KLC1: variants seen among roughly 807,000 people sequenced by gnomAD.
KLC1 encodes the protein kinesin 2 60/70kDa.
Under a neutral mutation model 84.2 loss-of-function variants are expected in KLC1, and 30 were observed. That is an observed-to-expected ratio of 0.36 (90% CI 0.27 to 0.48). The LOEUF (loss-of-function observed/expected upper bound fraction) is 0.48, where lower values mean the gene tolerates loss of function less well. Ranked by LOEUF, KLC1 falls within the 20% of genes least tolerant of loss-of-function variation. KLC1 has a pLI of 0.99. For missense variants in KLC1, 499 were observed against 805.4 expected (o/e 0.62, Z 4.60); for synonymous variants, 289 against 293.3 (o/e 0.99, Z 0.15).
chr14:103,637,196 A>G (rs892392023), intron 1 of KLC1, among the ~76,000 whole-genome samples: 7 of 152,104 alleles, frequency 4.6e-5, no homozygotes, highest in African/African-American at 1.7e-4. Flanking sequence ...TAATAAATCA[A>G]TACTTTTAAT....
chr14:103,662,878 G>T lies in KLC1; in HGVS notation c.748G>T (p.Asp250Tyr). The change falls in exon 5 of 17, where the codon GAC becomes TAC. Residue 250 changes from aspartate (D) to tyrosine (Y), a missense_variant. This residue lies in a region of KLC1 where 153 missense variants were observed against 332.4 expected (regional missense o/e 0.46). Coordinates refer to ENST00000334553, the MANE Select transcript of KLC1 (RefSeq NM_001394837.1). ...LEDLEKTSGH[D>Y]HPDVATMLNI... Reference sequence around the variant, plus strand: ...GGACCTGGAGAAGACTTCAGGACACGACCACCCGGACGTGGCCACCATGCT... The same window carrying T: ...GGACCTGGAGAAGACTTCAGGACACTACCACCCGGACGTGGCCACCATGCT... The T allele has an allele frequency of 6.2e-7, 1 of 1,613,652 alleles. No homozygotes were observed. The highest frequency in any genetic ancestry group is 8.5e-7 in the Non-Finnish European group (1 of 1,179,936).
At chr14:103,675,448 C>A in intron 9 of KLC1, 104 bp from the exon 10 acceptor site, 1 of 899,722 alleles carries the variant, frequency 1.1e-6, no homozygotes. Flanking sequence ...TGAAACTTTT[C>A]GAGTGCCGAC....
intron 9 of KLC1, among the ~76,000 whole-genome samples, chr14:103,674,391 A>G (rs1485728922): frequency 6.6e-6 from 1 of 151,728 alleles, no homozygotes; most frequent in Non-Finnish European, 1.5e-5. Flanking sequence ...GATGACTTAA[A>G]ACGAATATTG....
chr14:103,675,157 T>A (rs1305430703), intron 9 of KLC1, among the ~76,000 whole-genome samples: 8 of 152,100 alleles, frequency 5.3e-5, no homozygotes, highest in Admixed American at 5.2e-4. Flanking sequence ...ACCCCATCTC[T>A]ACTAAAAATA....
intron 1 of KLC1, among the ~76,000 whole-genome samples, chr14:103,637,978 A>G (rs1032571816): frequency 6.6e-6 from 1 of 152,180 alleles, no homozygotes; most frequent in African/African-American, 2.4e-5. Flanking sequence ...GACGTAAGCC[A>G]CTATGCTGGG....
chr14:103,684,830 G>A (rs1054699611), intron 13 of KLC1: 24 of 636,762 alleles, frequency 3.8e-5, no homozygotes, highest in Non-Finnish European at 6.1e-5. Context: ...GTAGTGTAGC[G>A]CTGAGTTTTG....
At chr14:103,640,779 TAC>T (rs2077428904) in intron 1 of KLC1, among the ~76,000 whole-genome samples, 2 of 152,192 alleles carry the variant, frequency 1.3e-5, no homozygotes, top group Admixed American at 1.3e-4. Flanking sequence ...TTAGAATAGT[TAC>T]AGATTTACAG....
chr14:103,681,916 T>G (rs1204374809), intron 13 of KLC1, among the ~76,000 whole-genome samples: 2 of 152,240 alleles, frequency 1.3e-5, no homozygotes, highest in Admixed American at 1.3e-4. Context: ...TATATAGATG[T>G]TAGAACAAAG....
intron 3 of KLC1, 74 bp from the exon 4 acceptor site, chr14:103,662,042 A>C (rs1256401607): frequency 2.1e-6 from 2 of 933,818 alleles, no homozygotes; most frequent in African/African-American, 1.6e-5. Context: ...AAATGTATTT[A>C]ATATTAAAAA....
intron 5 of KLC1, among the ~76,000 whole-genome samples, chr14:103,664,734 C>T (rs1191307608): frequency 2.0e-5 from 3 of 150,970 alleles, no homozygotes; most frequent in East Asian, 1.9e-4. Context: ...AGGCTGGTCT[C>T]GAACTCCTGG....
At chr14:103,658,392 C>G (rs1489347223) in intron 3 of KLC1, among the ~76,000 whole-genome samples, 4 of 148,172 alleles carry the variant, frequency 2.7e-5, no homozygotes, top group African/African-American at 1.0e-4. Context: ...TCTGGAGTAG[C>G]TGGGATTACA....
At chr14:103,685,092 TCGG>T (rs2081674451) in intron 13 of KLC1, 1 of 1,532,276 alleles carries the variant, frequency 6.5e-7, no homozygotes, top group African/African-American at 1.4e-5. Flanking sequence ...TGTCGAGACG[TCGG>T]CTTTCCAACC....
chr14:103,662,066 A>ATG (rs771755145), intron 3 of KLC1, 50 bp from the exon 4 acceptor site: 1 of 1,245,330 alleles, frequency 8.0e-7, no homozygotes, highest in Non-Finnish European at 1.2e-6. Context: ...TCAGGACAGG[A>ATG]TGTGTATAGC....
At chr14:103,652,497 CTT>C (rs988829999) in intron 1 of KLC1, among the ~76,000 whole-genome samples, 3 of 145,424 alleles carry the variant, frequency 2.1e-5, no homozygotes. Flanking sequence ...GGCCTTTGTT[CTT>C]TTTTTTTTTT....
chr14:103,653,894 A>G (rs2078652446), intron 1 of KLC1, among the ~76,000 whole-genome samples: 1 of 152,156 alleles, frequency 6.6e-6, no homozygotes, highest in Non-Finnish European at 1.5e-5. Flanking sequence ...AGCACAAATG[A>G]TGCTGTTTTT....
chr14:103,689,393 AGC>A (rs1192635475), intron 14 of KLC1, among the ~76,000 whole-genome samples: 1 of 152,206 alleles, frequency 6.6e-6, no homozygotes, highest in Non-Finnish European at 1.5e-5. Flanking sequence ...ATGGGGCTGT[AGC>A]ACTGCCAGCC....
At position 103,654,769 on chromosome 14, in the gene KLC1, T is replaced by A; in HGVS notation, c.205T>A (p.Ser69Thr). 6.2e-7 allele frequency: 1 copy of A among 1,614,132 alleles called. No homozygotes were observed. Among genetic ancestry groups the A allele is most frequent in the Non-Finnish European group, 8.5e-7 (1 of 1,180,008 alleles). Residue 69 changes from serine (S) to threonine (T), a missense_variant, in exon 2 of 17, where the codon TCA (serine) becomes ACA (threonine). Coordinates refer to ENST00000334553, the MANE Select transcript of KLC1 (RefSeq NM_001394837.1). ...DDESNLVEEK[S>T]NMIRKSLEML... ...TGAAAGTAATTTGGTGGAGGAGAAATCAAACATGATCCGGAAGTCACTGGA... is the reference window on the plus strand; with the variant it reads ...TGAAAGTAATTTGGTGGAGGAGAAAACAAACATGATCCGGAAGTCACTGGA...
chr14:103,643,237 T>C (rs937734701), intron 1 of KLC1, among the ~76,000 whole-genome samples: 1 of 152,248 alleles, frequency 6.6e-6, no homozygotes, highest in Non-Finnish European at 1.5e-5. Context: ...GATTCTTCCA[T>C]CTTCCAGAGG....
intron 1 of KLC1, among the ~76,000 whole-genome samples, chr14:103,641,714 C>T (rs941244612): frequency 1.3e-5 from 2 of 151,688 alleles, no homozygotes; most frequent in Non-Finnish European, 2.9e-5. Flanking sequence ...CTCCCACCTC[C>T]ACCTCAGCCT....
Sources: gnomAD v4.1 joint callset for allele counts (sites outside exome capture counted in the v4.1 genomes callset) on GRCh38, gnomAD v4.1.1 for gene constraint, gnomAD v4.1.1 regional missense constraint, MANE v1.5 for transcripts, NCBI Gene and HGNC (gene_info 2026-07-23, HGNC 2026-07-21) for gene names.